CDH13: variants seen among roughly 807,000 people sequenced by gnomAD.
CDH13 encodes cadherin 13.
In CDH13, 24 loss-of-function variants were observed where a neutral mutation model predicts 63.8. The observed-to-expected ratio is 0.38, with a 90% CI of 0.27 to 0.53. The LOEUF is 0.53. Among genes scored for constraint, CDH13 ranks in the 20% least tolerant of loss-of-function variants. The pLI is 0.85. For synonymous variants in CDH13, 503 were observed against 355.3 expected, an observed-to-expected ratio of 1.42 and a Z score of -4.67; for missense variants, 1,049 against 903.1, an observed-to-expected ratio of 1.16 and a Z score of -2.07.
intron 3 of CDH13, among the ~76,000 whole-genome samples, chr16:83,062,441 T>C (rs1019071473): frequency 2.0e-5 from 3 of 152,184 alleles, no homozygotes; most frequent in African/African-American, 7.2e-5. Flanking sequence ...AGTATCAATG[T>C]GGTAAGTGAA....
chr16:82,950,272 T>A (rs1597276559), intron 2 of CDH13, among the ~76,000 whole-genome samples: 1 of 152,030 alleles, frequency 6.6e-6, no homozygotes, highest in Non-Finnish European at 1.5e-5. Context: ...ATCTCAACCT[T>A]CCCTTTGCAT....
At chr16:82,695,581 C>A (rs2030186429) in intron 1 of CDH13, among the ~76,000 whole-genome samples, 1 of 152,258 alleles carries the variant, frequency 6.6e-6, no homozygotes, top group African/African-American at 2.4e-5. Flanking sequence ...CATCTCATGG[C>A]ATTGTTGGGT....
intron 2 of CDH13, among the ~76,000 whole-genome samples, chr16:82,946,337 A>G (rs1028895417): frequency 6.6e-6 from 1 of 152,180 alleles, no homozygotes; most frequent in Non-Finnish European, 1.5e-5. Flanking sequence ...AAGTTCTAAC[A>G]TAAGTAGTAA....
chr16:83,592,901 G>A (rs971211486), intron 7 of CDH13, among the ~76,000 whole-genome samples: 1 of 152,222 alleles, frequency 6.6e-6, no homozygotes, highest in Non-Finnish European at 1.5e-5. Context: ...TCACCCTGCT[G>A]CCTGGGAAGA....
At chr16:82,843,916 T>G (rs1466414137) in intron 1 of CDH13, among the ~76,000 whole-genome samples, 12 of 152,212 alleles carry the variant, frequency 7.9e-5, no homozygotes, top group Admixed American at 4.6e-4. Flanking sequence ...TTTCCTGATT[T>G]CACAGGTAAA....
At chr16:83,358,948 T>A (rs2091107420) in intron 6 of CDH13, among the ~76,000 whole-genome samples, 2 of 152,212 alleles carry the variant, frequency 1.3e-5, no homozygotes, top group Admixed American at 1.3e-4. Flanking sequence ...GTACTAATAA[T>A]CTGAAGAGAT....
chr16:83,039,674 A>G (rs918398846), intron 3 of CDH13, among the ~76,000 whole-genome samples: 2 of 152,128 alleles, frequency 1.3e-5, no homozygotes, highest in Non-Finnish European at 2.9e-5. Context: ...TGCCTGGCGC[A>G]GAGTATTCAG....
chr16:82,739,625 G>A (rs1423666051), intron 1 of CDH13, among the ~76,000 whole-genome samples: 4 of 152,056 alleles, frequency 2.6e-5, no homozygotes, highest in African/African-American at 9.7e-5. Context: ...ATGAAGACAC[G>A]GGAATTTGCC....
At chr16:83,000,781 G>A (rs998226167) in intron 2 of CDH13, among the ~76,000 whole-genome samples, 1 of 151,748 alleles carries the variant, frequency 6.6e-6, no homozygotes, top group African/African-American at 2.4e-5. Flanking sequence ...GGGTTTCACC[G>A]TGTTAGCCAA....
intron 6 of CDH13, among the ~76,000 whole-genome samples, chr16:83,459,471 TTTAA>T (rs1396450471): frequency 6.6e-6 from 1 of 152,272 alleles, no homozygotes; most frequent in East Asian, 1.9e-4. Context: ...CTCCATGGAC[TTTAA>T]TTAATTTTGC....
chr16:82,723,395 T>G (rs900790786), intron 1 of CDH13, among the ~76,000 whole-genome samples: 7 of 152,204 alleles, frequency 4.6e-5, no homozygotes, highest in Non-Finnish European at 7.3e-5. Flanking sequence ...TTCTTTGTCT[T>G]GGGAACATAG....
At chr16:83,001,926 A>G (rs941194506) in intron 2 of CDH13, among the ~76,000 whole-genome samples, 8 of 152,204 alleles carry the variant, frequency 5.3e-5, no homozygotes, top group Non-Finnish European at 1.0e-4. Context: ...CAGGAACATC[A>G]TATCATAGAA....
chr16:83,543,469 C>T lies in CDH13; in HGVS notation c.960+56814C>T, dbSNP rs547848377. On this transcript the variant is annotated intron_variant, in intron 7 of 13. Coordinates refer to ENST00000567109, the MANE Select transcript of CDH13 (RefSeq NM_001257.5). ...CTGACTATGATGATTTGTTGCTTGC[C>T]TTGCCTTGATTCCCCAGTGAGAATT... Among the ~76,000 whole-genome samples the T allele has an allele frequency of 2.0e-5, 3 of 152,308 alleles. No homozygotes were observed. The South Asian group carries it at 6.2e-4, about 32-fold the overall frequency.
intron 8 of CDH13, among the ~76,000 whole-genome samples, chr16:83,668,035 G>A (rs995035032): frequency 2.6e-5 from 4 of 152,112 alleles, no homozygotes. Context: ...GGTGACTGGG[G>A]TCCACCAGCC....
chr16:82,681,798 G>A (rs547598022), intron 1 of CDH13, among the ~76,000 whole-genome samples: 3 of 152,332 alleles, frequency 2.0e-5, no homozygotes, highest in South Asian at 2.1e-4. Flanking sequence ...AGCAGCACTC[G>A]GGTGAGGACT....
intron 5 of CDH13, among the ~76,000 whole-genome samples, chr16:83,264,799 TATC>T (rs1456552049): frequency 6.6e-6 from 1 of 152,058 alleles, no homozygotes; most frequent in Non-Finnish European, 1.5e-5. Context: ...ATAATTATAC[TATC>T]ATCATACTAT....
At chr16:82,814,583 C>G in intron 1 of CDH13, among the ~76,000 whole-genome samples, 1 of 152,178 alleles carries the variant, frequency 6.6e-6, no homozygotes, top group African/African-American at 2.4e-5. Flanking sequence ...GGCATGGAAG[C>G]TCTGCATACC....
chr16:83,134,576 A>T (rs1288616612), intron 4 of CDH13, among the ~76,000 whole-genome samples: 14 of 61,840 alleles, frequency 2.3e-4, no homozygotes, highest in Non-Finnish European at 3.5e-4. Flanking sequence ...AGAGAGAGAG[A>T]GAGAGAGAGA....
intron 6 of CDH13, among the ~76,000 whole-genome samples, chr16:83,347,323 C>T (rs1008246490): frequency 3.4e-5 from 5 of 148,290 alleles, no homozygotes; most frequent in Non-Finnish European, 7.4e-5. Flanking sequence ...AATTATTCGA[C>T]ACCCACTGGG....
Sources: gnomAD v4.1 joint callset for allele counts (sites outside exome capture counted in the v4.1 genomes callset) on GRCh38, gnomAD v4.1.1 for gene constraint, MANE v1.5 for transcripts, NCBI Gene and HGNC (gene_info 2026-07-23, HGNC 2026-07-21) for gene names.